Variants in ZNF273 observed in about 807,000 individuals in gnomAD.
ZNF273 encodes the protein zinc finger protein 9.
A neutral mutation model predicts 14.9 loss-of-function variants in ZNF273; 11 were observed. The ratio of observed to expected loss-of-function variants is 0.74; its 90% CI spans 0.46 to 1.22. ZNF273 has a LOEUF of 1.22. ZNF273 is among the 50% of genes most tolerant of loss of function. ZNF273 has a pLI of 0.00. For synonymous variants in ZNF273, 199 were observed against 223.9 expected (o/e 0.89, Z 0.99); for missense variants, 577 against 660.6 (o/e 0.87, Z 1.39).
upstream of ZNF273, among the ~76,000 whole-genome samples, chr7:64,901,292 C>T (rs1455743475): frequency 2.6e-5 from 4 of 152,150 alleles, no homozygotes; most frequent in Non-Finnish European, 5.9e-5. Flanking sequence ...CATGAGCTAC[C>T]GTGCCCGGCG....
chr7:64,911,646 G>A (rs1486271830), intron 1 of ZNF273, among the ~76,000 whole-genome samples: 3 of 151,404 alleles, frequency 2.0e-5, no homozygotes, highest in Admixed American at 1.3e-4. Context: ...CATTAATCTC[G>A]CTATTGGTTT....
At chr7:64,915,458 T>C (rs1793906353) in intron 1 of ZNF273, among the ~76,000 whole-genome samples, 1 of 152,182 alleles carries the variant, frequency 6.6e-6, no homozygotes, top group Non-Finnish European at 1.5e-5. Flanking sequence ...AGATTATAGA[T>C]TAAAAGTAGT....
chr7:64,879,938 C>G (rs1319084900), downstream of ZNF273: 2 of 152,258 alleles, frequency 1.3e-5, no homozygotes, highest in African/African-American at 4.8e-5. Flanking sequence ...TTCCTGAGAC[C>G]AGGCAGGCTC....
At chr7:64,885,475 A>G (rs944093235) in intron 1 of ZNF273, among the ~76,000 whole-genome samples, 1 of 152,228 alleles carries the variant, frequency 6.6e-6, no homozygotes, top group Non-Finnish European at 1.5e-5. Flanking sequence ...TCCTGTGGGA[A>G]AGTCCTCACG....
chr7:64,878,207 T>A (rs1240994583), intron 1 of ZNF273, among the ~76,000 whole-genome samples: 1 of 151,304 alleles, frequency 6.6e-6, no homozygotes, highest in Non-Finnish European at 1.5e-5. Flanking sequence ...TTCCTGAAAC[T>A]GTGGTGAAGT....
chr7:64,882,339 C>T (rs1791285852), downstream of ZNF273, among the ~76,000 whole-genome samples: 1 of 152,186 alleles, frequency 6.6e-6, no homozygotes, highest in Non-Finnish European at 1.5e-5. Context: ...CGGAGACGCC[C>T]CAGGAGGCCC....
At chr7:64,894,954 C>T (rs570268979) in intron 3 of ZNF273, among the ~76,000 whole-genome samples, 2 of 146,810 alleles carry the variant, frequency 1.4e-5, no homozygotes, top group African/African-American at 5.1e-5. Flanking sequence ...ATAGTGAAAC[C>T]CCGTCTCTAC....
In ZNF273 at chr7:64,912,826, G is replaced by GTTTTTTGTTGTTGTTTTT; in HGVS notation, c.103-4749_103-4748insGTTGTTGTTTTTTTTTTT. Among the ~76,000 whole-genome samples the GTTTTTTGTTGTTGTTTTT allele has an allele frequency of 7.1e-4, 26 of 36,568 alleles. 1 individual carries two copies. Among genetic ancestry groups the GTTTTTTGTTGTTGTTTTT allele is most frequent in the African/African-American group, 2.0e-3 (24 of 12,216 alleles). 24.0% of individuals were successfully genotyped at this position (36,568 alleles called of 152,430 possible). A position where few individuals can be genotyped will look rare whatever the true frequency, so the allele number is the denominator to read the frequency against. ...TCTTTTTGACTCAGGATTCATTTTA[G>GTTTTTTGTTGTTGTTTTT]TTTTTTTTTTTTTTTTTTTTGAGAT... On this transcript the variant is annotated intron_variant, in intron 1 of 3. Coordinates refer to ENST00000476120, the MANE Select transcript of ZNF273 (RefSeq NM_021148.3).
rs200624272 is a variant in ZNF273 at position 64,928,962 on chromosome 7, A to C, written c.1634A>C (p.Lys545Thr). 99 of 1,607,704 alleles carry C rather than the reference A, an allele frequency of 6.2e-5. No individual in the cohort carries two copies. Among genetic ancestry groups the C allele is most frequent in the Non-Finnish European group, 3.2e-5 (38 of 1,177,404 alleles). Residue 545 changes from lysine (K) to threonine (T), a missense_variant, in exon 4 of 4, where the codon AAA becomes ACA. Transcript: ENST00000476120. ...ACTGGAGAGAAACCATACAAACCTA[A>C]AAGATGTGACAGTGCTTTTGACAAC... ...IHTGEKPYKPKRCDSAFDNTP... is the reference protein window; with the variant it reads ...IHTGEKPYKPTRCDSAFDNTP...
intron 1 of ZNF273, among the ~76,000 whole-genome samples, chr7:64,916,536 C>T: frequency 1.1e-5 from 1 of 87,046 alleles, no homozygotes; most frequent in Admixed American, 1.5e-4. Context: ...GGGAGCAAAA[C>T]TGTCTCAAAA....
At chr7:64,879,998 G>A (rs1791205604), downstream of ZNF273, 1 of 152,248 alleles carries the variant, frequency 6.6e-6, no homozygotes, top group Non-Finnish European at 1.5e-5. Flanking sequence ...CTGACAGCCT[G>A]GTGACCGAAA....
At chr7:64,881,721 T>C (rs2129029024), downstream of ZNF273, among the ~76,000 whole-genome samples, 1 of 152,244 alleles carries the variant, frequency 6.6e-6, no homozygotes, top group East Asian at 1.9e-4. Flanking sequence ...CTCCAGGTCA[T>C]GGGTCGTGGT....
chr7:64,936,418 C>G, the ZNF273 span, among the ~76,000 whole-genome samples: 1 of 152,122 alleles, frequency 6.6e-6, no homozygotes, highest in Non-Finnish European at 1.5e-5. Context: ...TACAGAGATA[C>G]CAATTTCCCC....
downstream of ZNF273, among the ~76,000 whole-genome samples, chr7:64,880,978 T>TA (rs202054026): frequency 9.2e-3 from 1,396 of 152,280 alleles, 15 homozygotes; most frequent in African/African-American, 0.032. Context: ...TTAGGTCAGA[T>TA]GGGGTGAGGA....
At chr7:64,891,137 G>C (rs1357108114), downstream of ZNF273, among the ~76,000 whole-genome samples, 2 of 152,196 alleles carry the variant, frequency 1.3e-5, no homozygotes, top group Non-Finnish European at 2.9e-5. Context: ...TCTGGGCTAG[G>C]CTGAAAACTC....
upstream of ZNF273, among the ~76,000 whole-genome samples, chr7:64,902,516 G>A (rs1792790225): frequency 6.6e-6 from 1 of 152,186 alleles, no homozygotes. Context: ...GATCACCTGA[G>A]GTCAGGAGTT....
downstream of ZNF273, chr7:64,933,370 C>T (rs1265784460): frequency 1.3e-5 from 2 of 152,202 alleles, no homozygotes; most frequent in Non-Finnish European, 2.9e-5. Flanking sequence ...GTCATTTTCT[C>T]TGGAAAACTT....
intron 1 of ZNF273, among the ~76,000 whole-genome samples, chr7:64,916,174 C>T (rs994262707): frequency 6.6e-6 from 1 of 151,474 alleles, no homozygotes; most frequent in Non-Finnish European, 1.5e-5. Context: ...CCAGCCTGGG[C>T]AACAAGAAAA....
Position 64,903,392 on chromosome 7 carries a change from G to T in ZNF273, c.75G>T (p.Thr25=), listed in dbSNP as rs772513785. 14 of 1,613,324 alleles carry T rather than the reference G, an allele frequency of 8.7e-6. No homozygotes were observed. The highest frequency in any genetic ancestry group is 1.2e-5 in the Non-Finnish European group (14 of 1,179,414). The change falls in exon 1 of 4, where the codon ACG becomes ACT. Residue 25 remains threonine, a synonymous_variant. Coordinates refer to ENST00000476120, the MANE Select transcript of ZNF273 (RefSeq NM_021148.3). ...PAGIGRSTAK[T]PGLPGSLEMG... ...GTATTGGGAGATCCACAGCTAAGACGCCAGGACTCCCTGGAAGCCTAGAAA... is the reference window on the plus strand; with the variant it reads ...GTATTGGGAGATCCACAGCTAAGACTCCAGGACTCCCTGGAAGCCTAGAAA...
Sources: gnomAD v4.1 joint callset for allele counts (sites outside exome capture counted in the v4.1 genomes callset) on GRCh38, gnomAD v4.1.1 for gene constraint, MANE v1.5 for transcripts, NCBI Gene and HGNC (gene_info 2026-07-23, HGNC 2026-07-21) for gene names.